The following VCF2 variants were observed in gnomAD, a reference collection of about 807,000 sequenced individuals.
VCF2 encodes protein VCF2.
At chrX:55,153,606 C>A in the VCF2 span, among the ~76,000 whole-genome samples, 1 of 110,188 alleles carries the variant, frequency 9.1e-6, no homozygotes, top group Non-Finnish European at 1.9e-5. Flanking sequence ...TGTGATCTGT[C>A]CGCCTCGGCC....
chrX:55,148,517 A>C, the VCF2 span, among the ~76,000 whole-genome samples: 1 of 110,469 alleles, frequency 9.1e-6, no homozygotes, highest in African/African-American at 3.3e-5. Context: ...AGAAACGTTA[A>C]AAGGAAAATA....
the VCF2 span, among the ~76,000 whole-genome samples, chrX:55,149,602 T>C: frequency 8.9e-6 from 1 of 111,920 alleles, no homozygotes; most frequent in Non-Finnish European, 1.9e-5. Context: ...TAAAATTAGT[T>C]CAGTTTCTCT....
At chrX:55,152,332 T>C in the VCF2 span, among the ~76,000 whole-genome samples, 1 of 112,467 alleles carries the variant, frequency 8.9e-6, no homozygotes, top group Admixed American at 9.4e-5. Context: ...ATGGCCTATA[T>C]TGATTTTCCA....
the VCF2 span, among the ~76,000 whole-genome samples, chrX:55,144,590 ATGTG>A: frequency 2.6e-4 from 28 of 106,595 alleles, no homozygotes; most frequent in African/African-American, 8.8e-4. Flanking sequence ...AACCATGAAA[ATGTG>A]TGTGTGTGTG....
the VCF2 span, chrX:55,145,549 C>G: frequency 7.0e-5 from 53 of 753,791 alleles, no homozygotes; most frequent in Non-Finnish European, 8.0e-5. Flanking sequence ...AACAGAACAT[C>G]TACCTTCTGA....
At chrX:55,157,817 T>G in the VCF2 span, among the ~76,000 whole-genome samples, 4 of 111,446 alleles carry the variant, frequency 3.6e-5, no homozygotes, top group Non-Finnish European at 3.8e-5. Context: ...ATCTACATAA[T>G]ATTCCACTCT....
chrX:55,157,289 T>C, the VCF2 span, among the ~76,000 whole-genome samples: 4 of 112,277 alleles, frequency 3.6e-5, no homozygotes, highest in Admixed American at 2.8e-4. Flanking sequence ...TCCCAGCACT[T>C]TGGGAGGCCG....
chrX:55,157,690 C>T, the VCF2 span, among the ~76,000 whole-genome samples: 3 of 112,125 alleles, frequency 2.7e-5, no homozygotes, highest in South Asian at 7.4e-4. Flanking sequence ...TCTCATTTGT[C>T]TTATTTCTGC....
At chrX:55,158,124 G>C in the VCF2 span, among the ~76,000 whole-genome samples, 1 of 112,077 alleles carries the variant, frequency 8.9e-6, no homozygotes, top group East Asian at 2.8e-4. Flanking sequence ...CACAATCTTG[G>C]ATAATCATAC....
chrX:55,159,124 G>C, the VCF2 span: 1 of 1,188,650 alleles, frequency 8.4e-7, no homozygotes, highest in Non-Finnish European at 1.1e-6. Flanking sequence ...GACCATACTT[G>C]CTACCTCTGT....
At chrX:55,145,879 TAAAATA>T in the VCF2 span, 23 of 966,349 alleles carry the variant, frequency 2.4e-5, no homozygotes, top group East Asian at 2.2e-4. Context: ...GTAGAAAGAG[TAAAATA>T]AAAATAAAAA....
chrX:55,153,163 T>C, the VCF2 span, among the ~76,000 whole-genome samples: 1 of 111,721 alleles, frequency 9.0e-6, no homozygotes, highest in Non-Finnish European at 1.9e-5. Flanking sequence ...CCCGACCACC[T>C]TGAGCACATG....
chrX:55,149,296 T>A, the VCF2 span, among the ~76,000 whole-genome samples: 2 of 111,166 alleles, frequency 1.8e-5, no homozygotes, highest in African/African-American at 6.5e-5. Flanking sequence ...TGAGGTTAAA[T>A]TTTTCTTTTA....
chrX:55,154,296 A>G, the VCF2 span, among the ~76,000 whole-genome samples: 1 of 111,842 alleles, frequency 8.9e-6, no homozygotes, highest in African/African-American at 3.3e-5. Context: ...TAAGCACTTT[A>G]GTATTTGGAA....
chrX:55,144,678 T>A, the VCF2 span, among the ~76,000 whole-genome samples: 1 of 112,258 alleles, frequency 8.9e-6, no homozygotes, highest in Admixed American at 9.4e-5. Context: ...TTTAATAAAA[T>A]CTCATTCTTC....
chrX:55,160,865 A>G, the VCF2 span: 7 of 1,154,627 alleles, frequency 6.1e-6, no homozygotes, highest in African/African-American at 5.4e-5. Context: ...AGGCACTGAC[A>G]ACCAAAGAAC....
At chrX:55,156,345 A>G in the VCF2 span, among the ~76,000 whole-genome samples, 1 of 111,794 alleles carries the variant, frequency 8.9e-6, no homozygotes, top group African/African-American at 3.3e-5. Flanking sequence ...CCACAACAAA[A>G]CATTCACTCC....
the VCF2 span, among the ~76,000 whole-genome samples, chrX:55,152,299 A>T: frequency 4.5e-5 from 5 of 112,290 alleles, no homozygotes; most frequent in Admixed American, 1.9e-4. Flanking sequence ...ACCTGCCTAC[A>T]GATGTATGGA....
the VCF2 span, among the ~76,000 whole-genome samples, chrX:55,153,416 G>A: frequency 1.4e-4 from 15 of 105,072 alleles, no homozygotes; most frequent in South Asian, 5.1e-3. Flanking sequence ...GTGCAGTGGC[G>A]CGATCTCAGC....
Sources: allele counts gnomAD v4.1 joint callset (sites outside exome capture counted in the v4.1 genomes callset), GRCh38; gene constraint gnomAD v4.1.1; transcripts MANE v1.5; gene names NCBI Gene and HGNC (gene_info 2026-07-23, HGNC 2026-07-21).